The following THRB variants were observed in gnomAD, a reference collection of about 807,000 sequenced individuals.
The protein encoded by THRB is nuclear receptor subfamily 1 group A member 2.
In THRB, 12 loss-of-function variants were observed where a neutral mutation model predicts 47.8. That is an observed-to-expected ratio of 0.25 (90% CI 0.16 to 0.41). The LOEUF (loss-of-function observed/expected upper bound fraction) is 0.41. Ranked by LOEUF, THRB falls within the 10% of genes least tolerant of loss-of-function variation. The pLI is 1.00. For synonymous variants in THRB, 218 were observed against 212.2 expected, an observed-to-expected ratio of 1.03 and a Z score of -0.24; for missense variants, 348 against 589.2, an observed-to-expected ratio of 0.59 and a Z score of 4.24.
chr3:24,300,483 C>T (rs2056862648), intron 2 of THRB, among the ~76,000 whole-genome samples: 1 of 152,186 alleles, frequency 6.6e-6, no homozygotes, highest in Admixed American at 6.5e-5. Flanking sequence ...TCTTTCCCTC[C>T]CTACAACAAT....
chr3:24,262,459 G>C (rs981200699), intron 3 of THRB, among the ~76,000 whole-genome samples: 1 of 152,080 alleles, frequency 6.6e-6, no homozygotes, highest in Non-Finnish European at 1.5e-5. Flanking sequence ...TATCACACTT[G>C]GGGTAAAAAC....
chr3:24,198,624 T>C (rs1285611629), intron 4 of THRB, among the ~76,000 whole-genome samples: 1 of 152,070 alleles, frequency 6.6e-6, no homozygotes, highest in Non-Finnish European at 1.5e-5. Flanking sequence ...CCACACAGCT[T>C]TCCCTTACTA....
At chr3:24,236,786 G>T (rs1040338380) in intron 3 of THRB, among the ~76,000 whole-genome samples, 2 of 152,134 alleles carry the variant, frequency 1.3e-5, no homozygotes, top group Non-Finnish European at 2.9e-5. Context: ...AAATAAATTT[G>T]TTCCCAAGTC....
intron 10 of THRB, 45 bp from the exon 11 acceptor site, chr3:24,123,170 G>C (rs2032011866): frequency 1.2e-6 from 2 of 1,611,838 alleles, no homozygotes; most frequent in African/African-American, 1.3e-5. Flanking sequence ...AGATGGAAGG[G>C]GGAAGGCTTG....
chr3:24,440,843 C>G (rs901218873), intron 1 of THRB, among the ~76,000 whole-genome samples: 1 of 152,140 alleles, frequency 6.6e-6, no homozygotes, highest in Non-Finnish European at 1.5e-5. Flanking sequence ...GACTAAATGA[C>G]TAAATTAGTT....
intron 5 of THRB, among the ~76,000 whole-genome samples, chr3:24,154,839 C>G (rs564168221): frequency 1.1e-3 from 172 of 152,240 alleles, no homozygotes; most frequent in African/African-American, 4.0e-3. Flanking sequence ...CTTTCAAGTT[C>G]TTAGTATCAA....
chr3:24,332,512 T>G (rs1439464498), intron 2 of THRB, among the ~76,000 whole-genome samples: 1 of 152,240 alleles, frequency 6.6e-6, no homozygotes, highest in East Asian at 1.9e-4. Flanking sequence ...TTTGATCTAT[T>G]GCTTCTCTTC....
chr3:24,492,234 G>C (rs985194528), intron 1 of THRB, among the ~76,000 whole-genome samples: 1 of 152,226 alleles, frequency 6.6e-6, no homozygotes, highest in Non-Finnish European at 1.5e-5. Flanking sequence ...ATAAGAGTGA[G>C]TGAGGCAGTC....
chr3:24,289,666 G>A (rs983646347), intron 3 of THRB, among the ~76,000 whole-genome samples: 1 of 152,280 alleles, frequency 6.6e-6, no homozygotes, highest in Non-Finnish European at 1.5e-5. Context: ...TAATTATTTC[G>A]AGGAGTCTGT....
intron 1 of THRB, among the ~76,000 whole-genome samples, chr3:24,381,606 C>T (rs2065718717): frequency 6.6e-6 from 1 of 152,062 alleles, no homozygotes; most frequent in African/African-American, 2.4e-5. Context: ...AATTTGAATC[C>T]AAGAGTTTCC....
chr3:24,253,454 G>A (rs2050873743), intron 3 of THRB, among the ~76,000 whole-genome samples: 1 of 152,094 alleles, frequency 6.6e-6, no homozygotes, highest in Non-Finnish European at 1.5e-5. Context: ...GATGACACAG[G>A]CAATTAAACA....
intron 5 of THRB, among the ~76,000 whole-genome samples, chr3:24,181,984 G>T (rs2041953726): frequency 6.6e-6 from 1 of 152,104 alleles, no homozygotes; most frequent in African/African-American, 2.4e-5. Flanking sequence ...GGCGGATCAC[G>T]AGTTCAGGAG....
intron 1 of THRB, among the ~76,000 whole-genome samples, chr3:24,426,824 C>A (rs765624652): frequency 6.6e-6 from 1 of 151,924 alleles, no homozygotes; most frequent in African/African-American, 2.4e-5. Context: ...CCACTTTTAT[C>A]CCCATGATTT....
At chr3:24,398,517 A>G (rs1002993671) in intron 1 of THRB, among the ~76,000 whole-genome samples, 12 of 152,184 alleles carry the variant, frequency 7.9e-5, no homozygotes, top group African/African-American at 2.7e-4. Flanking sequence ...GCAAATCAAA[A>G]CCACAATGAG....
At chr3:24,239,930 G>T (rs1315254663) in intron 3 of THRB, among the ~76,000 whole-genome samples, 1 of 152,124 alleles carries the variant, frequency 6.6e-6, no homozygotes, top group Non-Finnish European at 1.5e-5. Context: ...TAAATGCCCT[G>T]TTTATGAAGT....
chr3:24,259,620 C>CTT (rs10671187), intron 3 of THRB, among the ~76,000 whole-genome samples: 45,602 of 97,898 alleles, frequency 0.47, 11,503 homozygotes, highest in East Asian at 0.58. Context: ...CTCTGCTTAC[C>CTT]TTTTTTTTTT....
At chr3:24,279,631 G>A (rs920272443) in intron 3 of THRB, among the ~76,000 whole-genome samples, 7 of 150,346 alleles carry the variant, frequency 4.7e-5, no homozygotes, top group Non-Finnish European at 8.9e-5. Context: ...TCCTGACCTC[G>A]TGATCCACCT....
At chr3:24,347,853 T>C (rs1419276448) in intron 1 of THRB, among the ~76,000 whole-genome samples, 1 of 152,096 alleles carries the variant, frequency 6.6e-6, no homozygotes, top group Non-Finnish European at 1.5e-5. Flanking sequence ...CACACAGTAT[T>C]CTCTGGGCCT....
At chr3:24,404,695 AACAAATATTTTAAATGTTTCT>A (rs2067683834) in intron 1 of THRB, among the ~76,000 whole-genome samples, 2 of 151,902 alleles carry the variant, frequency 1.3e-5, no homozygotes, top group Non-Finnish European at 2.9e-5. Flanking sequence ...TAAATGAATT[AACAAATATTTTAAATGTTTCT>A]CTTGTAATTT....
Sources: allele counts gnomAD v4.1 joint callset (sites outside exome capture counted in the v4.1 genomes callset), GRCh38; gene constraint gnomAD v4.1.1; transcripts MANE v1.5; gene names NCBI Gene and HGNC (gene_info 2026-07-23, HGNC 2026-07-21).